The following RAPGEF6 variants were observed in gnomAD, a reference collection of about 807,000 sequenced individuals.
The protein encoded by RAPGEF6 is PDZ domain containing guanine nucleotide exchange factor (GEF) 2.
A neutral mutation model predicts 171.4 loss-of-function variants in RAPGEF6; 56 were observed. The observed-to-expected ratio is 0.33, with a 90% confidence interval of 0.26 to 0.41. The LOEUF is 0.41. RAPGEF6 is among the 10% of genes least tolerant of loss of function. RAPGEF6 has a pLI of 1.00. For missense variants in RAPGEF6, 1,674 were observed against 1,921.4 expected (o/e 0.87, Z 2.41); for synonymous variants, 692 against 650.1 (o/e 1.06, Z -0.98).
chr5:131,606,920 T>A (rs1437299037), intron 1 of RAPGEF6, among the ~76,000 whole-genome samples: 1 of 152,166 alleles, frequency 6.6e-6, no homozygotes, highest in Non-Finnish European at 1.5e-5. Flanking sequence ...TGATCCCAAT[T>A]GAGGCTCTAC....
At chr5:131,608,995 T>TG (rs1325923325) in intron 1 of RAPGEF6, among the ~76,000 whole-genome samples, 1 of 152,180 alleles carries the variant, frequency 6.6e-6, no homozygotes, top group African/African-American at 2.4e-5. Context: ...CTTGCTTTGC[T>TG]GCCCAGGCTG....
intron 3 of RAPGEF6, among the ~76,000 whole-genome samples, chr5:131,595,585 A>G (rs1763849180): frequency 6.6e-6 from 1 of 152,196 alleles, no homozygotes; most frequent in African/African-American, 2.4e-5. Flanking sequence ...CAAAGGAGAA[A>G]GAGAAAGGAA....
intron 3 of RAPGEF6, among the ~76,000 whole-genome samples, chr5:131,593,732 C>G (rs936062271): frequency 2.6e-5 from 4 of 152,178 alleles, no homozygotes; most frequent in African/African-American, 9.7e-5. Context: ...CCCTACAGAT[C>G]TATGGAACTT....
chr5:131,610,246 C>T lies in RAPGEF6; in HGVS notation c.70-5553G>A, dbSNP rs544456077. Among the ~76,000 whole-genome samples, 25 of 152,292 alleles carry T rather than the reference C, an allele frequency of 1.6e-4. No homozygotes were observed. The South Asian group carries it at 5.2e-3, about 32-fold the overall frequency. Reference sequence around the variant, plus strand: ...AGGGATTTTGTACTTCCCATTCCTACAGCTATGGACTCTGCATGTTTGCAG... The same window carrying T: ...AGGGATTTTGTACTTCCCATTCCTATAGCTATGGACTCTGCATGTTTGCAG... On this transcript the variant is annotated intron_variant, in intron 1 of 27. Coordinates refer to ENST00000509018, the MANE Select transcript of RAPGEF6 (RefSeq NM_016340.6).
intron 6 of RAPGEF6, among the ~76,000 whole-genome samples, chr5:131,535,342 C>T (rs1195448816): frequency 1.3e-5 from 2 of 152,120 alleles, no homozygotes; most frequent in Non-Finnish European, 2.9e-5. Flanking sequence ...AAGAAATAAA[C>T]ATCCTTTGAA....
intron 3 of RAPGEF6, among the ~76,000 whole-genome samples, chr5:131,594,563 G>A (rs1214771806): frequency 6.6e-6 from 1 of 152,232 alleles, no homozygotes; most frequent in Non-Finnish European, 1.5e-5. Context: ...CGAAAAGGGG[G>A]CCATTGTCCT....
intron 1 of RAPGEF6, among the ~76,000 whole-genome samples, chr5:131,606,963 T>G (rs1172611782): frequency 1.3e-5 from 2 of 152,196 alleles, no homozygotes; most frequent in Non-Finnish European, 2.9e-5. Context: ...AGCCAGAACC[T>G]GCTGAATGTA....
At chr5:131,505,256 T>G in intron 10 of RAPGEF6, 108 bp downstream of exon 10, 1 of 1,124,630 alleles carries the variant, frequency 8.9e-7, no homozygotes, top group South Asian at 1.4e-5. Flanking sequence ...TGTGAGCTAT[T>G]GAAACTCCTA....
intron 6 of RAPGEF6, among the ~76,000 whole-genome samples, chr5:131,541,678 T>C (rs926910389): frequency 4.6e-5 from 7 of 152,104 alleles, no homozygotes; most frequent in South Asian, 2.1e-4. Flanking sequence ...AAATCACACA[T>C]AGCATTGGGG....
At position 131,592,366 on chromosome 5, in the gene RAPGEF6, A is replaced by G; in HGVS notation, c.281+17T>C. 6.2e-7 allele frequency: 1 copy of G among 1,611,590 alleles called. No individual in the cohort carries two copies. The highest frequency in any genetic ancestry group is 8.5e-7 in the Non-Finnish European group (1 of 1,178,552). ...TTAACATTAACTTTGCCTGCCATAT[A>G]GCAAATGTAAACGTACCTGCAAGGA... On this transcript the variant is annotated intron_variant, in intron 4 of 27. Coordinates refer to ENST00000509018, the MANE Select transcript of RAPGEF6 (RefSeq NM_016340.6).
intron 24 of RAPGEF6, among the ~76,000 whole-genome samples, chr5:131,434,561 T>G (rs1374074867): frequency 6.6e-6 from 1 of 152,210 alleles, no homozygotes; most frequent in South Asian, 2.1e-4. Flanking sequence ...TTAAATTGTT[T>G]TAGGTTTAAA....
chr5:131,464,958 C>T (rs1754227807), intron 17 of RAPGEF6, among the ~76,000 whole-genome samples: 1 of 152,054 alleles, frequency 6.6e-6, no homozygotes, highest in African/African-American at 2.4e-5. Flanking sequence ...ATTTCATAAG[C>T]CCTATTCTTT....
rs1188094565 is a variant in RAPGEF6 at position 131,465,600 on chromosome 5, G to A, written c.2240-1319C>T. 2.0e-5 allele frequency among the ~76,000 whole-genome samples: 3 copies of A among 152,014 alleles called. No individual in the cohort carries two copies. In the South Asian group the frequency reaches 6.2e-4, roughly 32 times the overall value. ...AGTTCGAGACCAGCCTGGATATATA[G>A]CAAGACCCCATCTCTACAAAAAATT... is the stretch of plus-strand genomic sequence containing the variant. On this transcript the variant is annotated intron_variant, in intron 17 of 27. Transcript: ENST00000509018.
Position 131,426,717 on chromosome 5 carries a change from A to AT in RAPGEF6, c.*548_*549insA. 7.0e-6 allele frequency: 1 copy of AT among 142,148 alleles called. No individual in the cohort carries two copies. 8.8% of individuals were successfully genotyped at this position (142,148 alleles called of 1,614,324 possible). On this transcript the variant is annotated 3_prime_UTR_variant, in exon 28 of 28. Transcript: ENST00000509018. ...GTAGATCAAGCATATCACCTCTGTA[A>AT]AGATGACTTCTGTTTGGTCAGACCA... is the stretch of plus-strand genomic sequence containing the variant.
intron 7 of RAPGEF6, among the ~76,000 whole-genome samples, chr5:131,518,601 G>C (rs955359004): frequency 6.6e-6 from 1 of 151,934 alleles, no homozygotes; most frequent in Non-Finnish European, 1.5e-5. Flanking sequence ...TCTCCATGTT[G>C]ATCAGGCTGG....
At position 131,439,411 on chromosome 5, in the gene RAPGEF6, T is replaced by C. The variant is rs115156663; in HGVS notation, c.3745+170A>G. ...GGAGTCCTAGTTACATGACACATAA[T>C]ATCTAAAAAGCATCTGAATAATGCA... On this transcript the variant is annotated intron_variant, in intron 24 of 27. Coordinates refer to ENST00000509018, the MANE Select transcript of RAPGEF6 (RefSeq NM_016340.6). 2.9e-3 allele frequency among the ~76,000 whole-genome samples: 442 copies of C among 152,178 alleles called. 2 individuals carry two copies. The highest frequency in any genetic ancestry group is 4.9e-3 in the Non-Finnish European group (336 of 67,908).
chr5:131,515,801 T>C (rs1387851924), intron 7 of RAPGEF6, among the ~76,000 whole-genome samples: 1 of 152,162 alleles, frequency 6.6e-6, no homozygotes, highest in Non-Finnish European at 1.5e-5. Flanking sequence ...GGGAATAACG[T>C]ACATATGTGA....
intron 25 of RAPGEF6, among the ~76,000 whole-genome samples, chr5:131,433,011 A>AT (rs1436479315): frequency 6.6e-6 from 1 of 151,944 alleles, no homozygotes; most frequent in Non-Finnish European, 1.5e-5. Context: ...TACTCCCCAA[A>AT]TTACACTTTC....
intron 4 of RAPGEF6, among the ~76,000 whole-genome samples, chr5:131,577,376 C>T (rs1762668525): frequency 6.6e-6 from 1 of 152,130 alleles, no homozygotes; most frequent in East Asian, 1.9e-4. Context: ...TACCATTTGC[C>T]CTCCTTAGAA....
Sources: allele counts gnomAD v4.1 joint callset (sites outside exome capture counted in the v4.1 genomes callset), GRCh38; gene constraint gnomAD v4.1.1; transcripts MANE v1.5; gene names NCBI Gene and HGNC (gene_info 2026-07-23, HGNC 2026-07-21).